HDLBP: variants seen among roughly 807,000 people sequenced by gnomAD.
HDLBP encodes the protein vigilin.
Under a neutral mutation model 137.3 loss-of-function variants are expected in HDLBP, and 30 were observed. The observed-to-expected ratio is 0.22, with a 90% confidence interval of 0.16 to 0.30. The LOEUF (loss-of-function observed/expected upper bound fraction) is 0.30. HDLBP is among the 10% of genes least tolerant of loss of function. The probability of loss-of-function intolerance (pLI) is 1.00; values close to 1 mark genes in which losing one functional copy is unlikely to be tolerated. For missense variants in HDLBP, 1,119 were observed against 1,667.3 expected (o/e 0.67, Z 5.73); for synonymous variants, 606 against 596.0 (o/e 1.02, Z -0.24).
chr2:241,309,953 T>A (rs2075712215), intron 1 of HDLBP, among the ~76,000 whole-genome samples: 1 of 152,044 alleles, frequency 6.6e-6, no homozygotes, highest in African/African-American at 2.4e-5. Context: ...GCCTCTGCAG[T>A]GAAAGCCACA....
rs2072614722 is a variant in HDLBP at position 241,256,402 on chromosome 2, G to A, written c.658-3C>T. On this transcript the variant is annotated splice_region_variant and splice_polypyrimidine_tract_variant and intron_variant, in intron 6 of 27. Transcript: ENST00000310931. ...AGCCTCTCCACAGCACGTTTGTCCT[G>A]GAAAGGAAGGGATGATCTGATGAGA... 1 of 1,599,316 alleles carries A rather than the reference G, an allele frequency of 6.3e-7. No individual in the cohort carries two copies. The highest frequency in any genetic ancestry group is 1.1e-5 in the South Asian group (1 of 88,276).
chr2:241,277,484 G>T (rs987970661), intron 1 of HDLBP, among the ~76,000 whole-genome samples: 2 of 152,112 alleles, frequency 1.3e-5, no homozygotes, highest in Non-Finnish European at 2.9e-5. Flanking sequence ...TTAAAAGGGG[G>T]TCAAAAACTA....
chr2:241,279,601 G>C lies in HDLBP; in HGVS notation c.-102-11060C>G, dbSNP rs563315508. Among the ~76,000 whole-genome samples the C allele has an allele frequency of 2.6e-5, 4 of 152,280 alleles. No homozygotes were observed. The East Asian group carries it at 7.7e-4, about 29-fold the overall frequency. On this transcript the variant is annotated intron_variant, in intron 1 of 27. Coordinates refer to ENST00000310931, the MANE Select transcript of HDLBP (RefSeq NM_005336.6). ...ACTGACATTGCCTGCCTCAGATGTGGTCGTGTGGATCAGCAGGGAGATGGA... is the reference window on the plus strand; with the variant it reads ...ACTGACATTGCCTGCCTCAGATGTGCTCGTGTGGATCAGCAGGGAGATGGA...
intron 1 of HDLBP, among the ~76,000 whole-genome samples, chr2:241,311,405 G>C (rs1367282893): frequency 6.6e-6 from 1 of 152,138 alleles, no homozygotes; most frequent in Admixed American, 6.5e-5. Context: ...GTGCTCCATC[G>C]AAGTGAGACA....
In HDLBP at chr2:241,301,302, T is replaced by C. The variant is rs553330377; in HGVS notation, c.-103+14268A>G. Among the ~76,000 whole-genome samples the C allele has an allele frequency of 2.2e-4, 33 of 152,176 alleles. No homozygotes were observed. The South Asian group carries it at 5.4e-3, about 25-fold the overall frequency. ...GCACCCGGCCACACACATACTGATT[T>C]AAACCAATGCTATAAGACCACCTAA... is the stretch of plus-strand genomic sequence containing the variant. On this transcript the variant is annotated intron_variant, in intron 1 of 27. Coordinates refer to ENST00000310931, the MANE Select transcript of HDLBP (RefSeq NM_005336.6).
chr2:241,309,223 C>A (rs962941991), intron 1 of HDLBP, among the ~76,000 whole-genome samples: 3 of 152,182 alleles, frequency 2.0e-5, no homozygotes, highest in African/African-American at 7.2e-5. Flanking sequence ...ATTGGACATA[C>A]TGCATATCTG....
At position 241,233,190 on chromosome 2, in the gene HDLBP, G is replaced by C. The variant is rs1055446959; in HGVS notation, c.3288+630C>G. Among the ~76,000 whole-genome samples, 1 of 152,216 alleles carries C rather than the reference G, an allele frequency of 6.6e-6. No homozygotes were observed. Among genetic ancestry groups the C allele is most frequent in the Non-Finnish European group, 1.5e-5 (1 of 68,032 alleles). ...AAGCAGACACCCCAGCAGGATGCCA[G>C]AGCCAGGAAAGACCAAGCCTGGGAA... On this transcript the variant is annotated intron_variant, in intron 24 of 27. Coordinates refer to ENST00000310931, the MANE Select transcript of HDLBP (RefSeq NM_005336.6). This position sits in a 1 kb window ranked among gnomAD's most constrained non-coding sequence, Gnocchi z 4.3.
At chr2:241,305,909 C>T (rs1345419222) in intron 1 of HDLBP, among the ~76,000 whole-genome samples, 1 of 151,772 alleles carries the variant, frequency 6.6e-6, no homozygotes, top group Non-Finnish European at 1.5e-5. Context: ...TACAGGCATC[C>T]GCCACCATGC....
Position 241,255,062 on chromosome 2 carries a change from G to T in HDLBP, c.1177C>A (p.Gln393Lys), listed in dbSNP as rs752851077. The change falls in exon 9 of 28, where the codon CAG becomes AAG. Residue 393 changes from glutamine (Q) to lysine (K), a missense_variant. Gln to Lys is a moderately conservative substitution (Grantham distance 53, BLOSUM62 1). Coordinates refer to ENST00000310931, the MANE Select transcript of HDLBP (RefSeq NM_005336.6). ...KGQNLAKITQ[Q>K]MPKVHIEFTE... ...AAACGTGTCCTTACCTTTGGCATCTGCTGAGTGATTTTGGCCAGGTTCTGC... is the reference window on the plus strand; with the variant it reads ...AAACGTGTCCTTACCTTTGGCATCTTCTGAGTGATTTTGGCCAGGTTCTGC... The T allele has an allele frequency of 1.6e-5, 25 of 1,611,386 alleles. No homozygotes were observed.
At chr2:241,247,214 T>C (rs1207310641) in intron 14 of HDLBP, 72 bp from the exon 15 acceptor site, 1 of 961,898 alleles carries the variant, frequency 1.0e-6, no homozygotes, top group African/African-American at 1.6e-5. Context: ...CTTCTACCCC[T>C]AAGGGTAGCA....
At chr2:241,311,115 C>CA (rs137962673) in intron 1 of HDLBP, among the ~76,000 whole-genome samples, 3,000 of 142,924 alleles carry the variant, frequency 0.021, 81 homozygotes, top group African/African-American at 0.07. Flanking sequence ...CGCTGTGTCT[C>CA]AAAAAAAAAC....
chr2:241,311,428 G>A (rs969575927), intron 1 of HDLBP, among the ~76,000 whole-genome samples: 1 of 152,166 alleles, frequency 6.6e-6, no homozygotes, highest in Non-Finnish European at 1.5e-5. Context: ...CAAATCAAGA[G>A]AATGACATAG....
Position 241,236,777 on chromosome 2 carries a change from G to A in HDLBP, c.2750-8C>T, listed in dbSNP as rs1553636639. ...CTGGCTCTGTACTGTGAACTAGAGA[G>A]AAAGGGGAAAAGGGACAGCTGACAG... On this transcript the variant is annotated splice_polypyrimidine_tract_variant and splice_region_variant and intron_variant, in intron 20 of 27. Coordinates refer to ENST00000310931, the MANE Select transcript of HDLBP (RefSeq NM_005336.6). 49 of 1,613,498 alleles carry A rather than the reference G, an allele frequency of 3.0e-5. 1 individual carries two copies. In the Middle Eastern group the frequency reaches 6.6e-4, roughly 22 times the overall value.
chr2:241,238,516 G>A lies in HDLBP; in HGVS notation c.2749+133C>T. On this transcript the variant is annotated intron_variant, in intron 20 of 27. Transcript: ENST00000310931. This position sits in a 1 kb window ranked among gnomAD's most constrained non-coding sequence, Gnocchi z 4.9. The stretch of plus-strand genomic sequence containing the variant: ...GGCCAGGGAGTGACCCTGAACCTCT[G>A]GAAGCCCCCAGAATACATAGATGGT... 1.5e-6 allele frequency: 1 copy of A among 686,958 alleles called. No individual in the cohort carries two copies. Among genetic ancestry groups the A allele is most frequent in the Non-Finnish European group, 2.3e-6 (1 of 439,616 alleles). The allele number at this position is 686,958 out of a possible 1,614,324, so 42.6% of individuals were successfully genotyped here. A position where few individuals can be genotyped will look rare whatever the true frequency, so the allele number is the denominator to read the frequency against.
chr2:241,297,800 C>T (rs2075236736), intron 1 of HDLBP, among the ~76,000 whole-genome samples: 1 of 152,040 alleles, frequency 6.6e-6, no homozygotes, highest in Admixed American at 6.6e-5. Flanking sequence ...AGACAGTAAT[C>T]CCAGCACTTT....
Position 241,255,386 on chromosome 2 carries a change from T to G in HDLBP, c.1068A>C (p.Glu356Asp). The G allele has an allele frequency of 6.2e-7, 1 of 1,614,076 alleles. No individual in the cohort carries two copies. Among genetic ancestry groups the G allele is most frequent in the Non-Finnish European group, 8.5e-7 (1 of 1,179,952 alleles). The change falls in exon 8 of 28, where the codon GAA becomes GAC. Residue 356 changes from glutamate to aspartate, a missense_variant. Around this residue, in one of 4 missense-constraint regions of HDLBP, gnomAD observed 425 missense variants for 693.9 expected, o/e 0.61. Transcript: ENST00000310931. ...EPEKLGQALT[E>D]VYAKANSFTV... The stretch of plus-strand genomic sequence containing the variant: ...CGGAGGCAGTTACCTTGGCATAGAC[T>G]TCAGTCAACGCCTGACCTAACTTTT...
intron 4 of HDLBP, among the ~76,000 whole-genome samples, 160 bp from the exon 5 acceptor site, chr2:241,263,086 G>C (rs1400119492): frequency 6.6e-6 from 1 of 152,232 alleles, no homozygotes; most frequent in African/African-American, 2.4e-5. Flanking sequence ...CGAAAGACAA[G>C]GAGAAAGGGC....
intron 20 of HDLBP, among the ~76,000 whole-genome samples, chr2:241,236,987 G>C (rs1002588006): frequency 2.5e-4 from 37 of 150,502 alleles, no homozygotes; most frequent in Middle Eastern, 3.4e-3. Context: ...TGGGGGGGGG[G>C]GGGGGGGCGG....
intron 20 of HDLBP, 119 bp from the exon 21 acceptor site, chr2:241,236,888 A>G: frequency 3.0e-6 from 3 of 1,001,072 alleles, no homozygotes; most frequent in Non-Finnish European, 4.5e-6. Context: ...GGGAGGGAAA[A>G]CCACTCCTGT....
Sources: gnomAD v4.1 joint callset for allele counts (sites outside exome capture counted in the v4.1 genomes callset) on GRCh38, gnomAD v4.1.1 for gene constraint, gnomAD v4.1.1 regional missense constraint, Gnocchi (gnomAD v3.1) non-coding constraint, MANE v1.5 for transcripts, NCBI Gene and HGNC (gene_info 2026-07-23, HGNC 2026-07-21) for gene names.